The following SNX29 variants were observed in gnomAD, a reference collection of about 807,000 sequenced individuals.
SNX29 encodes sorting nexin-29.
Under a neutral mutation model 102.1 loss-of-function variants are expected in SNX29, and 78 were observed. The observed-to-expected ratio is 0.76, with a 90% CI of 0.64 to 0.92. The LOEUF (loss-of-function observed/expected upper bound fraction) is 0.92, where lower values mean the gene tolerates loss of function less well. SNX29 is among the 40% of genes least tolerant of loss of function. The pLI is 0.00. For synonymous variants in SNX29, 580 were observed against 414.5 expected, an observed-to-expected ratio of 1.40 and a Z score of -4.85; for missense variants, 1,280 against 1,061.7, an observed-to-expected ratio of 1.21 and a Z score of -2.86.
chr16:12,442,913 T>C, intron 18 of SNX29: 1 of 426,756 alleles, frequency 2.3e-6, no homozygotes, highest in Non-Finnish European at 4.7e-6. Context: ...AAAACTTTTT[T>C]TTCTGGTTTG....
At chr16:12,459,365 C>T (rs925616234) in intron 18 of SNX29, among the ~76,000 whole-genome samples, 3 of 152,034 alleles carry the variant, frequency 2.0e-5, no homozygotes, top group East Asian at 1.9e-4. Context: ...AACACCCTCA[C>T]GGTGGTGCAT....
intron 18 of SNX29, among the ~76,000 whole-genome samples, chr16:12,450,584 A>C (rs539548830): frequency 3.9e-5 from 6 of 152,216 alleles, no homozygotes; most frequent in Non-Finnish European, 8.8e-5. Context: ...TCCAGCACAC[A>C]CGGTGTGAGA....
intron 14 of SNX29, among the ~76,000 whole-genome samples, chr16:12,244,442 C>G (rs1401828949): frequency 6.6e-6 from 1 of 152,126 alleles, no homozygotes; most frequent in African/African-American, 2.4e-5. Flanking sequence ...AACACTGTCT[C>G]TACCAAAAAT....
chr16:12,211,841 T>G (rs2077192729), intron 14 of SNX29, among the ~76,000 whole-genome samples: 1 of 152,218 alleles, frequency 6.6e-6, no homozygotes, highest in Non-Finnish European at 1.5e-5. Flanking sequence ...GAAGATAATG[T>G]GCTTTACTGA....
chr16:12,168,789 G>C (rs766069896), intron 13 of SNX29, among the ~76,000 whole-genome samples: 5 of 152,176 alleles, frequency 3.3e-5, no homozygotes, highest in Non-Finnish European at 5.9e-5. Flanking sequence ...AACGCATTCT[G>C]GTAGATTTGC....
At chr16:12,138,206 C>CTTTT (rs58229550) in intron 13 of SNX29, among the ~76,000 whole-genome samples, 1 of 123,014 alleles carries the variant, frequency 8.1e-6, no homozygotes, top group African/African-American at 3.1e-5. Context: ...ATTTGTCACT[C>CTTTT]TTTTTTTTTT....
intron 15 of SNX29, among the ~76,000 whole-genome samples, chr16:12,337,957 C>T (rs771456093): frequency 3.9e-5 from 6 of 152,230 alleles, no homozygotes; most frequent in Non-Finnish European, 7.3e-5. Context: ...ACAGCCGCTT[C>T]ACCTTGAAAG....
chr16:12,532,337 A>T (rs1348026437), intron 20 of SNX29, among the ~76,000 whole-genome samples: 1 of 152,218 alleles, frequency 6.6e-6, no homozygotes, highest in Admixed American at 6.5e-5. Flanking sequence ...CCTTGCTAGC[A>T]GGTGCCTGTG....
At chr16:12,124,344 G>T (rs1045044432) in intron 11 of SNX29, among the ~76,000 whole-genome samples, 5 of 141,414 alleles carry the variant, frequency 3.5e-5, no homozygotes, top group Non-Finnish European at 7.5e-5. Context: ...TGACAGAGTG[G>T]GACTCCGTCT....
At chr16:12,189,382 C>A (rs1429412053) in intron 13 of SNX29, among the ~76,000 whole-genome samples, 1 of 152,152 alleles carries the variant, frequency 6.6e-6, no homozygotes, top group Non-Finnish European at 1.5e-5. Context: ...ACTTTCATGA[C>A]CTTGACGTTT....
chr16:12,465,626 A>G (rs762081101), intron 18 of SNX29, among the ~76,000 whole-genome samples: 32 of 152,258 alleles, frequency 2.1e-4, no homozygotes, highest in Non-Finnish European at 4.1e-4. Flanking sequence ...ATAGTTTGAA[A>G]TCAGGGACTG....
intron 3 of SNX29, among the ~76,000 whole-genome samples, chr16:12,015,578 C>G (rs931636292): frequency 1.3e-5 from 2 of 149,076 alleles, no homozygotes; most frequent in African/African-American, 5.0e-5. Context: ...CTCTGTCGCC[C>G]AGGCTGGAGT....
chr16:12,438,832 G>A (rs2085660485), intron 18 of SNX29, among the ~76,000 whole-genome samples: 1 of 152,212 alleles, frequency 6.6e-6, no homozygotes, highest in Non-Finnish European at 1.5e-5. Flanking sequence ...CTAGACTCAG[G>A]GAAGGTTCTG....
chr16:12,539,078 T>G (rs1437534232), intron 20 of SNX29, among the ~76,000 whole-genome samples: 2 of 152,182 alleles, frequency 1.3e-5, no homozygotes, highest in East Asian at 1.9e-4. Context: ...AGGGCCAAGT[T>G]TAATAGATTG....
At chr16:12,017,892 G>A (rs551976668) in intron 3 of SNX29, among the ~76,000 whole-genome samples, 3 of 151,686 alleles carry the variant, frequency 2.0e-5, no homozygotes, top group East Asian at 1.9e-4. Flanking sequence ...TTTTTTGGGT[G>A]GGGGGGCTTT....
chr16:12,037,281 T>C (rs1226027049), intron 4 of SNX29, among the ~76,000 whole-genome samples: 1 of 152,078 alleles, frequency 6.6e-6, no homozygotes, highest in Non-Finnish European at 1.5e-5. Flanking sequence ...TAAAAACAGT[T>C]TGGAGGCCAA....
intron 20 of SNX29, chr16:12,526,409 A>G (rs2076784549): frequency 5.1e-6 from 2 of 391,262 alleles, no homozygotes; most frequent in Non-Finnish European, 9.8e-6. Context: ...GGTTGCTTAG[A>G]TTTTCTAATT....
intron 19 of SNX29, among the ~76,000 whole-genome samples, chr16:12,514,632 A>C (rs1318766401): frequency 1.3e-5 from 2 of 152,212 alleles, no homozygotes; most frequent in African/African-American, 2.4e-5. Context: ...TGGGAGGCCA[A>C]GACGGGCAAA....
chr16:12,355,970 T>C (rs781036591), intron 15 of SNX29, among the ~76,000 whole-genome samples, 193 bp from the exon 16 acceptor site: 1 of 151,506 alleles, frequency 6.6e-6, no homozygotes, highest in Non-Finnish European at 1.5e-5. Context: ...AGTGTCGGTA[T>C]GAAGCAGGTC....
Sources: gnomAD v4.1 joint callset for allele counts (sites outside exome capture counted in the v4.1 genomes callset) on GRCh38, gnomAD v4.1.1 for gene constraint, MANE v1.5 for transcripts, NCBI Gene and HGNC (gene_info 2026-07-23, HGNC 2026-07-21) for gene names.